Variants in CMC1 observed in about 807,000 individuals in gnomAD.
CMC1 encodes the protein C-X9-C motif containing 1.
In CMC1, 14 loss-of-function variants were observed where a neutral mutation model predicts 14.1. That is an observed-to-expected ratio of 0.99 (90% CI 0.66 to 1.55). The LOEUF (loss-of-function observed/expected upper bound fraction) is 1.55. Among genes scored for constraint, CMC1 ranks in the 40% most tolerant of loss-of-function variants. CMC1 has a pLI of 0.00. For missense variants in CMC1, 127 were observed against 123.8 expected, an observed-to-expected ratio of 1.03 and a Z score of -0.12; for synonymous variants, 50 against 38.4, an observed-to-expected ratio of 1.30 and a Z score of -1.12.
chr3:28,287,061 G>A (rs1306610964), intron 2 of CMC1, among the ~76,000 whole-genome samples: 1 of 152,048 alleles, frequency 6.6e-6, no homozygotes, highest in Non-Finnish European at 1.5e-5. Flanking sequence ...ACATTTTCAG[G>A]TATTATTTGG....
rs544409602 is a variant in CMC1, at chr3:28,288,719, T to C, written c.109+25339T>C. Among the ~76,000 whole-genome samples the C allele has an allele frequency of 9.2e-5, 14 of 152,120 alleles. No individual in the cohort carries two copies. The East Asian group carries it at 2.3e-3, about 25-fold the overall frequency. On this transcript the variant is annotated intron_variant, in intron 2 of 3. Transcript: ENST00000466830. ...CATTGCAAATGTAGCTTTGTGTTGTTAAAGAGGATTATGATGAATACATTT... is the reference window on the plus strand; with the variant it reads ...CATTGCAAATGTAGCTTTGTGTTGTCAAAGAGGATTATGATGAATACATTT...
chr3:28,264,169 A>G (rs1323879572), intron 2 of CMC1, among the ~76,000 whole-genome samples: 3 of 152,098 alleles, frequency 2.0e-5, no homozygotes, highest in Non-Finnish European at 2.9e-5. Context: ...GGCATAGGCT[A>G]TTTTCCTGGC....
At chr3:28,276,534 T>C (rs1202528733) in intron 2 of CMC1, among the ~76,000 whole-genome samples, 1 of 152,204 alleles carries the variant, frequency 6.6e-6, no homozygotes, top group African/African-American at 2.4e-5. Flanking sequence ...TATTTTGCTA[T>C]AATAGACTTA....
At chr3:28,249,463 TAGAG>T (rs1370713741) in intron 1 of CMC1, among the ~76,000 whole-genome samples, 3 of 152,216 alleles carry the variant, frequency 2.0e-5, no homozygotes, top group Admixed American at 6.5e-5. Flanking sequence ...TGCTAGGAGT[TAGAG>T]GGAATTACAA....
chr3:28,255,542 G>A (rs556481153), intron 1 of CMC1, among the ~76,000 whole-genome samples: 1 of 151,958 alleles, frequency 6.6e-6, no homozygotes, highest in Admixed American at 6.6e-5. Flanking sequence ...CACTGTGCCC[G>A]GCCTGTTTCC....
chr3:28,262,465 C>T (rs2125459604), intron 1 of CMC1, among the ~76,000 whole-genome samples: 1 of 152,234 alleles, frequency 6.6e-6, no homozygotes, highest in South Asian at 2.1e-4. Flanking sequence ...CATTTGGCTC[C>T]TACTGAGTCA....
intron 2 of CMC1, among the ~76,000 whole-genome samples, chr3:28,294,023 T>A (rs114256302): frequency 0.012 from 1,865 of 152,346 alleles, 33 homozygotes; most frequent in African/African-American, 0.042. Flanking sequence ...GAATAATTGC[T>A]ATTTTCGAAG....
At position 28,282,045 on chromosome 3, in the gene CMC1, A is replaced by G. The variant is rs148553347; in HGVS notation, c.109+18665A>G. ...TTGATTTCTGGTTAAAAAAAATCAG[A>G]AGAATTTGAAATCTGTTCTTTCTAC... On this transcript the variant is annotated intron_variant, in intron 2 of 3. Transcript: ENST00000466830. Among the ~76,000 whole-genome samples, 298 of 152,320 alleles carry G rather than the reference A, an allele frequency of 2.0e-3. 3 individuals are homozygous for G. Among genetic ancestry groups the G allele is most frequent in the South Asian group, 0.01 (49 of 4,830 alleles).
intron 1 of CMC1, among the ~76,000 whole-genome samples, chr3:28,242,358 C>A (rs757478878): frequency 2.0e-5 from 3 of 152,216 alleles, no homozygotes; most frequent in Non-Finnish European, 2.9e-5. Context: ...CAATAGTTAA[C>A]TTACCCTCGA....
chr3:28,313,102 C>T (rs1473722498), intron 2 of CMC1, among the ~76,000 whole-genome samples: 1 of 151,982 alleles, frequency 6.6e-6, no homozygotes, highest in East Asian at 1.9e-4. Flanking sequence ...AGTGATCCAC[C>T]CACCTTAGCC....
intron 1 of CMC1, among the ~76,000 whole-genome samples, chr3:28,261,070 G>A (rs1699712849): frequency 6.6e-6 from 1 of 152,082 alleles, no homozygotes; most frequent in South Asian, 2.1e-4. Context: ...TGTTAGTTAG[G>A]TCAAGTTAGT....
intron 2 of CMC1, among the ~76,000 whole-genome samples, chr3:28,307,778 T>C (rs1246887462): frequency 6.6e-6 from 1 of 152,202 alleles, no homozygotes; most frequent in Non-Finnish European, 1.5e-5. Flanking sequence ...ACTTAGTAGC[T>C]TTATTAAGAC....
intron 2 of CMC1, among the ~76,000 whole-genome samples, chr3:28,273,854 A>G (rs991788276): frequency 2.0e-5 from 3 of 152,162 alleles, no homozygotes; most frequent in African/African-American, 7.2e-5. Flanking sequence ...CCATTATGTA[A>G]TGCCCTTCTT....
Position 28,325,134 on chromosome 3 carries a change from A to G in CMC1, c.*5505A>G, listed in dbSNP as rs1443809065. ...CACAATGTAGGTAAAGTAAAAAAAA[A>G]AAAAAAAACAGCCAAAAAAAAAAAG... On this transcript the variant is annotated 3_prime_UTR_variant, in exon 4 of 4. Coordinates refer to ENST00000466830, the MANE Select transcript of CMC1 (RefSeq NM_182523.2). 1.3e-5 allele frequency: 2 copies of G among 150,208 alleles called. 1 individual carries two copies. 9.3% of individuals were successfully genotyped at this position (150,208 alleles called of 1,614,324 possible). A position where few individuals can be genotyped will look rare whatever the true frequency, so the allele number is the denominator to read the frequency against.
intron 2 of CMC1, among the ~76,000 whole-genome samples, chr3:28,293,256 A>G (rs1701570249): frequency 6.6e-6 from 1 of 151,612 alleles, no homozygotes; most frequent in Non-Finnish European, 1.5e-5. Flanking sequence ...GGAGGAGTTG[A>G]TATTAGAGAA....
chr3:28,289,615 C>T (rs1701368048), intron 2 of CMC1, among the ~76,000 whole-genome samples: 1 of 151,996 alleles, frequency 6.6e-6, no homozygotes, highest in Non-Finnish European at 1.5e-5. Context: ...ATCTCAGAAA[C>T]TTAACGTTAG....
intron 2 of CMC1, among the ~76,000 whole-genome samples, chr3:28,291,451 C>A (rs879392784): frequency 6.6e-6 from 1 of 151,894 alleles, no homozygotes; most frequent in Non-Finnish European, 1.5e-5. Context: ...TATGCTATTT[C>A]TTTTATGTTT....
At position 28,324,581 on chromosome 3, in the gene CMC1, T is replaced by C; in HGVS notation, c.*4952T>C. The stretch of plus-strand genomic sequence containing the variant: ...TAAGATTTCCAAGTTAGTGTGATCA[T>C]TGAGGCACTGTGACTAGGAGATAAA... On this transcript the variant is annotated 3_prime_UTR_variant, in exon 4 of 4. Coordinates refer to ENST00000466830, the MANE Select transcript of CMC1 (RefSeq NM_182523.2). 6.2e-6 allele frequency: 5 copies of C among 812,828 alleles called. No individual in the cohort carries two copies. The highest frequency in any genetic ancestry group is 8.7e-6 in the Non-Finnish European group (5 of 576,272). The allele number at this position is 812,828 out of a possible 1,614,324, so 50.4% of individuals were successfully genotyped here.
At chr3:28,276,289 G>A (rs1700587387) in intron 2 of CMC1, among the ~76,000 whole-genome samples, 1 of 152,122 alleles carries the variant, frequency 6.6e-6, no homozygotes, top group African/African-American at 2.4e-5. Context: ...CAAAATTAGT[G>A]AGAATTTTGT....
Sources: gnomAD v4.1 joint callset for allele counts (sites outside exome capture counted in the v4.1 genomes callset) on GRCh38, gnomAD v4.1.1 for gene constraint, MANE v1.5 for transcripts, NCBI Gene and HGNC (gene_info 2026-07-23, HGNC 2026-07-21) for gene names.